ROBO1: variants seen among roughly 807,000 people sequenced by gnomAD.
ROBO1 encodes roundabout homolog 1.
A neutral mutation model predicts 195.9 loss-of-function variants in ROBO1; 149 were observed. The ratio of observed to expected loss-of-function variants is 0.76; its 90% CI spans 0.67 to 0.87. The LOEUF (loss-of-function observed/expected upper bound fraction) is 0.87, where lower values mean the gene tolerates loss of function less well. Ranked by LOEUF, ROBO1 falls within the 40% of genes least tolerant of loss-of-function variation. ROBO1 has a pLI of 0.00. For synonymous variants in ROBO1, 816 were observed against 733.2 expected (o/e 1.11, Z -1.82); for missense variants, 1,933 against 2,068.3 (o/e 0.93, Z 1.27).
In ROBO1 at chr3:78,818,730, C is replaced by T. The variant is rs1371721327; in HGVS notation, c.500-71830G>A. Among the ~76,000 whole-genome samples, 7 of 152,172 alleles carry T rather than the reference C, an allele frequency of 4.6e-5. No individual in the cohort carries two copies. In the South Asian group the frequency reaches 1.4e-3, roughly 31 times the overall value. On this transcript the variant is annotated intron_variant, in intron 4 of 30. Coordinates refer to ENST00000464233, the MANE Select transcript of ROBO1 (RefSeq NM_002941.4). The stretch of plus-strand genomic sequence containing the variant: ...AGCTGGAGCATTTGTTTGCAAGTTC[C>T]TCGGCCTTGGCTTCCGGGATGGTCG...
chr3:78,631,160 C>A lies in ROBO1; in HGVS notation c.3626+1G>T. ...TACATCTGTTTGGATGCTCCTCTTA[C>A]CTTTCATCTACAGAAATGTTGTACT... is the stretch of plus-strand genomic sequence containing the variant. On this transcript the variant is annotated splice_donor_variant, in intron 25 of 30. Coordinates refer to ENST00000464233, the MANE Select transcript of ROBO1 (RefSeq NM_002941.4). LOFTEE classifies it high-confidence loss of function. 1 of 1,609,618 alleles carries A rather than the reference C, an allele frequency of 6.2e-7. No homozygotes were observed. The highest frequency in any genetic ancestry group is 8.5e-7 in the Non-Finnish European group (1 of 1,177,760).
intron 2 of ROBO1, among the ~76,000 whole-genome samples, chr3:79,482,633 A>C (rs2107388806): frequency 6.6e-6 from 1 of 152,322 alleles, no homozygotes; most frequent in East Asian, 1.9e-4. Context: ...CAACTAATAC[A>C]GGAATGCATA....
At chr3:79,099,461 G>A (rs962601020) in intron 3 of ROBO1, among the ~76,000 whole-genome samples, 1 of 151,710 alleles carries the variant, frequency 6.6e-6, no homozygotes, top group East Asian at 1.9e-4. Flanking sequence ...AGCCTCAGAA[G>A]AGGTGACACT....
At chr3:79,263,793 C>T (rs2082983560) in intron 2 of ROBO1, among the ~76,000 whole-genome samples, 1 of 152,010 alleles carries the variant, frequency 6.6e-6, no homozygotes, top group Non-Finnish European at 1.5e-5. Context: ...TTCTTTTTCC[C>T]TCCCACTTAA....
chr3:79,376,606 G>A (rs1026031827), intron 2 of ROBO1, among the ~76,000 whole-genome samples: 22 of 152,068 alleles, frequency 1.4e-4, no homozygotes, highest in African/African-American at 5.3e-4. Flanking sequence ...CCCTGAACAC[G>A]CTTTCTTGCC....
intron 2 of ROBO1, among the ~76,000 whole-genome samples, chr3:79,441,733 T>C (rs1484691792): frequency 1.3e-5 from 2 of 152,098 alleles, no homozygotes; most frequent in Non-Finnish European, 2.9e-5. Context: ...ACGAATCTCA[T>C]TTTCTAGAGT....
intron 2 of ROBO1, among the ~76,000 whole-genome samples, chr3:79,147,770 C>T (rs776962912): frequency 2.2e-4 from 33 of 151,984 alleles, no homozygotes; most frequent in Admixed American, 3.3e-4. Context: ...AAACTGAACA[C>T]GGAATTTGTT....
intron 4 of ROBO1, among the ~76,000 whole-genome samples, chr3:78,792,000 C>A (rs191105918): frequency 6.6e-6 from 1 of 152,280 alleles, no homozygotes; most frequent in East Asian, 1.9e-4. Flanking sequence ...TGTTTTCCAG[C>A]CATCCACTGT....
intron 4 of ROBO1, among the ~76,000 whole-genome samples, chr3:78,890,601 G>A (rs1271289510): frequency 1.3e-5 from 2 of 152,006 alleles, no homozygotes; most frequent in African/African-American, 4.8e-5. Flanking sequence ...ATAGCAAAAG[G>A]ATATTTTTTT....
chr3:79,576,339 A>G (rs1943484730), intron 2 of ROBO1, among the ~76,000 whole-genome samples: 1 of 151,990 alleles, frequency 6.6e-6, no homozygotes, highest in Non-Finnish European at 1.5e-5. Context: ...CAAAATCAGC[A>G]GATAATCTTT....
At chr3:79,247,241 A>C (rs2082641684) in intron 2 of ROBO1, among the ~76,000 whole-genome samples, 1 of 150,404 alleles carries the variant, frequency 6.6e-6, no homozygotes, top group South Asian at 2.1e-4. Flanking sequence ...TCTATGAACA[A>C]ACAGTTAAAT....
intron 3 of ROBO1, among the ~76,000 whole-genome samples, chr3:78,951,192 C>T (rs13318828): frequency 6.6e-6 from 1 of 151,706 alleles, no homozygotes; most frequent in East Asian, 1.9e-4. Flanking sequence ...ATGAAAGCCT[C>T]CAAGTCCCAG....
chr3:79,118,827 T>C (rs1258455906), intron 3 of ROBO1, among the ~76,000 whole-genome samples: 1 of 148,448 alleles, frequency 6.7e-6, no homozygotes, highest in African/African-American at 2.5e-5. Flanking sequence ...ACCCCACCAC[T>C]GTACTCCAGC....
intron 1 of ROBO1, among the ~76,000 whole-genome samples, chr3:79,754,077 C>T (rs535150294): frequency 6.6e-6 from 1 of 152,136 alleles, no homozygotes; most frequent in Admixed American, 6.6e-5. Flanking sequence ...ATTATGAAAA[C>T]TTTGACCAAT....
At chr3:79,052,163 G>C (rs973951541) in intron 3 of ROBO1, among the ~76,000 whole-genome samples, 1 of 152,032 alleles carries the variant, frequency 6.6e-6, no homozygotes, top group Non-Finnish European at 1.5e-5. Context: ...CTTTTTCTCA[G>C]CAAGTAATAG....
chr3:79,613,248 T>C (rs1398914591), intron 1 of ROBO1, among the ~76,000 whole-genome samples: 2 of 152,046 alleles, frequency 1.3e-5, no homozygotes, highest in Non-Finnish European at 2.9e-5. Flanking sequence ...TTTTATAGGG[T>C]TAACATTGTT....
intron 4 of ROBO1, among the ~76,000 whole-genome samples, chr3:78,927,239 T>C (rs1234662474): frequency 6.6e-6 from 1 of 152,190 alleles, no homozygotes; most frequent in Non-Finnish European, 1.5e-5. Context: ...GAACAAAACA[T>C]TCCTGGAAGA....
chr3:79,690,874 T>C (rs1253341251), intron 1 of ROBO1, among the ~76,000 whole-genome samples: 1 of 151,896 alleles, frequency 6.6e-6, no homozygotes, highest in African/African-American at 2.4e-5. Context: ...GTGTGAGTTC[T>C]AAAGTAAAAT....
intron 2 of ROBO1, among the ~76,000 whole-genome samples, chr3:79,402,722 C>T (rs1193154752): frequency 6.6e-6 from 1 of 151,926 alleles, no homozygotes; most frequent in Non-Finnish European, 1.5e-5. Flanking sequence ...TTTCTGCCTC[C>T]AGGGTGCCTA....
Sources: gnomAD v4.1 joint callset for allele counts (sites outside exome capture counted in the v4.1 genomes callset) on GRCh38, gnomAD v4.1.1 for gene constraint, MANE v1.5 for transcripts, NCBI Gene and HGNC (gene_info 2026-07-23, HGNC 2026-07-21) for gene names.